Variants in PLCE1 observed in about 807,000 individuals in gnomAD.
PLCE1 encodes the protein 1-phosphatidylinositol 4,5-bisphosphate phosphodiesterase epsilon-1.
Under a neutral mutation model 242.8 loss-of-function variants are expected in PLCE1, and 119 were observed. The observed-to-expected ratio is 0.49, with a 90% CI of 0.42 to 0.57. The LOEUF (loss-of-function observed/expected upper bound fraction) is 0.57. PLCE1 is among the 20% of genes least tolerant of loss of function. PLCE1 has a pLI of 0.00. For synonymous variants in PLCE1, 945 were observed against 1,017.4 expected (o/e 0.93, Z 1.35); for missense variants, 2,441 against 2,788.8 (o/e 0.88, Z 2.81).
chr10:94,258,566 G>T (rs1245537019), intron 11 of PLCE1, among the ~76,000 whole-genome samples: 2 of 152,040 alleles, frequency 1.3e-5, no homozygotes, highest in Non-Finnish European at 2.9e-5. Context: ...CTCAGCCCTG[G>T]GCCCTTATTA....
At chr10:94,133,235 A>C (rs1478368064) in intron 3 of PLCE1, among the ~76,000 whole-genome samples, 2 of 152,166 alleles carry the variant, frequency 1.3e-5, no homozygotes, top group African/African-American at 2.4e-5. Context: ...TCTTCCAGCT[A>C]CTCCCATCTT....
chr10:94,231,426 T>C (rs963993714), intron 5 of PLCE1, among the ~76,000 whole-genome samples: 3 of 152,210 alleles, frequency 2.0e-5, no homozygotes, highest in African/African-American at 7.2e-5. Flanking sequence ...TTTACTTTTC[T>C]GATTTGATTG....
chr10:94,226,947 C>G (rs759733564), intron 4 of PLCE1, among the ~76,000 whole-genome samples: 1 of 149,622 alleles, frequency 6.7e-6, no homozygotes, highest in African/African-American at 2.5e-5. Flanking sequence ...CTCGCTGCAA[C>G]CTTCAACCTT....
chr10:94,118,367 A>G (rs1486970887), intron 2 of PLCE1, among the ~76,000 whole-genome samples: 1 of 152,150 alleles, frequency 6.6e-6, no homozygotes, highest in East Asian at 1.9e-4. Flanking sequence ...TATTGTGTTC[A>G]ACACTCAACC....
chr10:94,068,589 C>A (rs780399281), intron 2 of PLCE1, among the ~76,000 whole-genome samples: 8 of 152,106 alleles, frequency 5.3e-5, no homozygotes, highest in Non-Finnish European at 7.3e-5. Flanking sequence ...GTCCCGGAAC[C>A]AATGTCCCAT....
At chr10:94,224,074 G>A (rs2049855494) in intron 4 of PLCE1, among the ~76,000 whole-genome samples, 1 of 151,204 alleles carries the variant, frequency 6.6e-6, no homozygotes, top group South Asian at 2.1e-4. Context: ...TGTCCGTGAG[G>A]CTTGTAAACA....
intron 2 of PLCE1, among the ~76,000 whole-genome samples, chr10:94,124,545 C>T (rs911450452): frequency 6.6e-6 from 1 of 152,108 alleles, no homozygotes; most frequent in Non-Finnish European, 1.5e-5. Context: ...AAGAGGGTTT[C>T]AGTTATTTGC....
intron 4 of PLCE1, among the ~76,000 whole-genome samples, chr10:94,191,710 T>C (rs1221628233): frequency 6.6e-6 from 1 of 152,204 alleles, no homozygotes; most frequent in East Asian, 1.9e-4. Flanking sequence ...TCCAAGATGG[T>C]CAAGACAGGT....
intron 2 of PLCE1, among the ~76,000 whole-genome samples, chr10:94,111,230 G>A (rs1250751906): frequency 1.3e-5 from 2 of 152,176 alleles, no homozygotes; most frequent in Non-Finnish European, 2.9e-5. Context: ...TGTGGCAATA[G>A]GAAGCAGGGT....
chr10:94,173,010 T>C lies in PLCE1; in HGVS notation c.1809+1514T>C, dbSNP rs1300378360. On this transcript the variant is annotated intron_variant, in intron 4 of 32. Coordinates refer to ENST00000371380, the MANE Select transcript of PLCE1 (RefSeq NM_016341.4). Reference sequence around the variant, plus strand: ...GACATGTCCTGAACACCAGTCTATCTGGCACTGTTGTGCTAACCATTTTAT... The same window carrying C: ...GACATGTCCTGAACACCAGTCTATCCGGCACTGTTGTGCTAACCATTTTAT... Among the ~76,000 whole-genome samples the C allele has an allele frequency of 3.3e-5, 5 of 152,352 alleles. No individual in the cohort carries two copies. The East Asian group carries it at 9.6e-4, about 29-fold the overall frequency.
intron 2 of PLCE1, among the ~76,000 whole-genome samples, chr10:94,112,673 G>C (rs1231702818): frequency 6.6e-6 from 1 of 152,142 alleles, no homozygotes; most frequent in Non-Finnish European, 1.5e-5. Context: ...TATGCAGTGG[G>C]GCAGGGCTCA....
chr10:94,179,511 A>ATTTTTTTTTTTTTTTTTTTTT (rs1564761610), intron 4 of PLCE1, among the ~76,000 whole-genome samples: 1 of 12,416 alleles, frequency 8.1e-5, no homozygotes, highest in Non-Finnish European at 1.5e-4. Context: ...ATTTTAGTTT[A>ATTTTTTTTTTTTTTTTTTTTT]GTTTTTTTTT....
chr10:94,042,275 A>G (rs1393467854), intron 2 of PLCE1, among the ~76,000 whole-genome samples: 1 of 152,146 alleles, frequency 6.6e-6, no homozygotes, highest in Non-Finnish European at 1.5e-5. Context: ...ATGTCTGTAG[A>G]AGTAAGATGG....
chr10:94,066,689 C>T (rs915189834), intron 2 of PLCE1, among the ~76,000 whole-genome samples: 4 of 152,152 alleles, frequency 2.6e-5, no homozygotes, highest in Admixed American at 2.6e-4. Context: ...TCCATTACAC[C>T]TGCTCTGCAA....
intron 4 of PLCE1, among the ~76,000 whole-genome samples, chr10:94,226,855 T>TTTTTTTTA (rs2049961507): frequency 6.9e-6 from 1 of 145,534 alleles, no homozygotes. Context: ...TTTTTTTTTT[T>TTTTTTTTA]TTGAGACAGA....
At chr10:94,206,612 G>C (rs1016078682) in intron 4 of PLCE1, among the ~76,000 whole-genome samples, 4 of 152,172 alleles carry the variant, frequency 2.6e-5, no homozygotes, top group African/African-American at 9.7e-5. Context: ...GTGGACAGTG[G>C]ACAAATCTAT....
intron 7 of PLCE1, among the ~76,000 whole-genome samples, chr10:94,239,826 G>A (rs2050443702): frequency 1.3e-5 from 2 of 151,760 alleles, no homozygotes; most frequent in African/African-American, 4.9e-5. Flanking sequence ...ACACACACAC[G>A]TACGCATGTG....
At chr10:94,007,125 G>A (rs959457987) in intron 1 of PLCE1, among the ~76,000 whole-genome samples, 1 of 152,114 alleles carries the variant, frequency 6.6e-6, no homozygotes, top group South Asian at 2.1e-4. Flanking sequence ...AAGAGGTACC[G>A]GTTCATAGGA....
chr10:94,204,272 A>G (rs1371199025), intron 4 of PLCE1, among the ~76,000 whole-genome samples: 28 of 152,192 alleles, frequency 1.8e-4, no homozygotes, highest in Admixed American at 1.8e-3. Flanking sequence ...TTGGAGGAGC[A>G]GATAAAAGAA....
Sources: gnomAD v4.1 joint callset for allele counts (sites outside exome capture counted in the v4.1 genomes callset) on GRCh38, gnomAD v4.1.1 for gene constraint, MANE v1.5 for transcripts, NCBI Gene and HGNC (gene_info 2026-07-23, HGNC 2026-07-21) for gene names.